Variants in CSMD1 observed in about 807,000 individuals in gnomAD.
The protein encoded by CSMD1 is CUB and Sushi multiple domains 1.
CSMD1 carries 213 observed loss-of-function variants against 417.5 expected under a neutral mutation model. The observed-to-expected ratio is 0.51, with a 90% CI of 0.46 to 0.57. The LOEUF (loss-of-function observed/expected upper bound fraction) is 0.57, where lower values mean the gene tolerates loss of function less well. CSMD1 is among the 20% of genes least tolerant of loss of function. The probability of loss-of-function intolerance (pLI) is 0.00; values close to 1 mark genes in which losing one functional copy is unlikely to be tolerated. For missense variants in CSMD1, 6,923 were observed against 4,529.7 expected (o/e 1.53, Z -15.17); for synonymous variants, 2,862 against 1,736.8 (o/e 1.65, Z -16.11).
chr8:4,843,166 T>C (rs187377752), intron 1 of CSMD1, among the ~76,000 whole-genome samples: 14 of 152,308 alleles, frequency 9.2e-5, no homozygotes, highest in African/African-American at 1.7e-4. Context: ...GTCTTCTTCC[T>C]GGGCAGGAAC....
chr8:3,886,568 G>A (rs1289891178), intron 5 of CSMD1, among the ~76,000 whole-genome samples: 1 of 152,170 alleles, frequency 6.6e-6, no homozygotes, highest in Non-Finnish European at 1.5e-5. Flanking sequence ...GCGTGGCTGT[G>A]TTGCAGGAAA....
chr8:4,314,072 T>C (rs527503580), intron 3 of CSMD1, among the ~76,000 whole-genome samples: 86 of 151,858 alleles, frequency 5.7e-4, no homozygotes, highest in African/African-American at 2.0e-3. Flanking sequence ...AAACTTGCTT[T>C]CTTTCTGTGT....
At chr8:3,244,506 G>A (rs1799753853) in intron 26 of CSMD1, among the ~76,000 whole-genome samples, 1 of 152,182 alleles carries the variant, frequency 6.6e-6, no homozygotes, top group Non-Finnish European at 1.5e-5. Flanking sequence ...TCCCAGCCAA[G>A]TACACCAGCT....
chr8:3,382,563 CTATA>C (rs992302786), intron 18 of CSMD1, among the ~76,000 whole-genome samples: 61 of 33,074 alleles, frequency 1.8e-3, no homozygotes, highest in African/African-American at 4.5e-3. Context: ...ATGTCTTTCT[CTATA>C]TATATCTATA....
At chr8:4,565,996 T>C (rs1203284693) in intron 2 of CSMD1, among the ~76,000 whole-genome samples, 5 of 151,948 alleles carry the variant, frequency 3.3e-5, no homozygotes, top group African/African-American at 1.2e-4. Context: ...TATTGAACTA[T>C]TGTTTATTAA....
chr8:4,326,557 A>C (rs1390815903), intron 3 of CSMD1, among the ~76,000 whole-genome samples: 1 of 152,232 alleles, frequency 6.6e-6, no homozygotes, highest in Non-Finnish European at 1.5e-5. Context: ...CATAAAGGAA[A>C]GTGAACGTTA....
intron 2 of CSMD1, among the ~76,000 whole-genome samples, chr8:4,451,940 TTATTATATA>T (rs886997154): frequency 2.2e-4 from 32 of 148,294 alleles, no homozygotes; most frequent in South Asian, 4.2e-4. Flanking sequence ...TTAATGTATA[TTATTATATA>T]TAATATATAA....
intron 2 of CSMD1, among the ~76,000 whole-genome samples, chr8:4,451,839 G>A (rs117803043): frequency 0.013 from 2,040 of 151,888 alleles, 19 homozygotes; most frequent in Non-Finnish European, 0.02. Flanking sequence ...TTTTGTTTAC[G>A]TAATTCACTC....
Position 4,421,068 on chromosome 8 carries a change from C to T in CSMD1, c.303-1003G>A, listed in dbSNP as rs913311899. ...AAAGAGACTCATTTGTTCATTTTTT[C>T]CCATTGGATGCCAATCCAAACAACT... On this transcript the variant is annotated intron_variant, in intron 2 of 69. Transcript: ENST00000635120. 4.6e-5 allele frequency among the ~76,000 whole-genome samples: 7 copies of T among 152,130 alleles called. No homozygotes were observed. The South Asian group carries it at 1.0e-3, about 23-fold the overall frequency.
At chr8:3,020,386 AG>A (rs1260197515) in intron 51 of CSMD1, among the ~76,000 whole-genome samples, 14 of 152,224 alleles carry the variant, frequency 9.2e-5, no homozygotes, top group African/African-American at 3.1e-4. Flanking sequence ...TTGTTTATGT[AG>A]ACAGAGTCTT....
intron 3 of CSMD1, among the ~76,000 whole-genome samples, chr8:4,198,498 G>T (rs1799468759): frequency 6.6e-6 from 1 of 152,152 alleles, no homozygotes; most frequent in Non-Finnish European, 1.5e-5. Flanking sequence ...GGATGAGAAA[G>T]AAATCACTAG....
At chr8:3,491,466 T>C (rs999846255) in intron 11 of CSMD1, among the ~76,000 whole-genome samples, 1 of 152,206 alleles carries the variant, frequency 6.6e-6, no homozygotes, top group Non-Finnish European at 1.5e-5. Context: ...ACATTACTAG[T>C]GTTATTCTCA....
At chr8:4,253,816 C>A (rs1270940609) in intron 3 of CSMD1, among the ~76,000 whole-genome samples, 1 of 149,230 alleles carries the variant, frequency 6.7e-6, no homozygotes, top group Non-Finnish European at 1.5e-5. Flanking sequence ...AAATAATCAA[C>A]ACCATTATTA....
chr8:4,275,918 A>C (rs1328209410), intron 3 of CSMD1, among the ~76,000 whole-genome samples: 1 of 152,234 alleles, frequency 6.6e-6, no homozygotes, highest in African/African-American at 2.4e-5. Flanking sequence ...GGATTGTTTA[A>C]ATGATACTTT....
intron 3 of CSMD1, among the ~76,000 whole-genome samples, chr8:4,359,662 T>A (rs1344639654): frequency 6.6e-6 from 1 of 152,206 alleles, no homozygotes; most frequent in Non-Finnish European, 1.5e-5. Flanking sequence ...TGTGTGTGGT[T>A]GATTCTGGGT....
intron 5 of CSMD1, among the ~76,000 whole-genome samples, chr8:3,990,001 A>G (rs1814623751): frequency 6.6e-6 from 1 of 152,234 alleles, no homozygotes; most frequent in Non-Finnish European, 1.5e-5. Flanking sequence ...GAACACGAGG[A>G]TGTGCCAGTT....
At chr8:4,331,899 G>A (rs1293169870) in intron 3 of CSMD1, among the ~76,000 whole-genome samples, 2 of 152,038 alleles carry the variant, frequency 1.3e-5, no homozygotes, top group Non-Finnish European at 2.9e-5. Flanking sequence ...TTTAACTATG[G>A]AAAAGCCCAC....
chr8:3,256,023 A>G (rs1800624502), intron 26 of CSMD1, among the ~76,000 whole-genome samples: 3 of 152,064 alleles, frequency 2.0e-5, no homozygotes, highest in African/African-American at 7.2e-5. Flanking sequence ...CCAAGTACAC[A>G]TTTTTATAGA....
At chr8:4,385,835 G>T (rs146588310) in intron 3 of CSMD1, among the ~76,000 whole-genome samples, 1 of 152,198 alleles carries the variant, frequency 6.6e-6, no homozygotes, top group African/African-American at 2.4e-5. Context: ...GTGTTTCTGG[G>T]AAACTGTTAA....
Sources: allele counts gnomAD v4.1 joint callset (sites outside exome capture counted in the v4.1 genomes callset), GRCh38; gene constraint gnomAD v4.1.1; transcripts MANE v1.5; gene names NCBI Gene and HGNC (gene_info 2026-07-23, HGNC 2026-07-21).